GRM3: variants seen among roughly 807,000 people sequenced by gnomAD.
GRM3 encodes the protein glutamate metabotropic receptor 3.
GRM3 carries 26 observed loss-of-function variants against 70.5 expected under a neutral mutation model. That is an observed-to-expected ratio of 0.37 (90% confidence interval 0.27 to 0.51). The LOEUF is 0.51. Ranked by LOEUF, GRM3 falls within the 20% of genes least tolerant of loss-of-function variation. The pLI, the probability that GRM3 is intolerant of heterozygous loss-of-function variation, is 0.93. For synonymous variants in GRM3, 443 were observed against 434.9 expected, an observed-to-expected ratio of 1.02 and a Z score of -0.23; for missense variants, 859 against 1,123.8, an observed-to-expected ratio of 0.76 and a Z score of 3.37.
chr7:86,855,886 CA>C (rs1195893221), intron 5 of GRM3, among the ~76,000 whole-genome samples: 6 of 152,148 alleles, frequency 3.9e-5, no homozygotes, highest in African/African-American at 1.4e-4. Flanking sequence ...CCCCGAAAAA[CA>C]GCATCATGTG....
intron 1 of GRM3, among the ~76,000 whole-genome samples, chr7:86,694,440 A>C (rs556002634): frequency 1.8e-3 from 254 of 145,080 alleles, no homozygotes; most frequent in Non-Finnish European, 3.3e-3. Flanking sequence ...TGAACCCGGG[A>C]AGTGGGGCTT....
At chr7:86,750,363 C>T (rs1366893126) in intron 1 of GRM3, among the ~76,000 whole-genome samples, 7 of 152,022 alleles carry the variant, frequency 4.6e-5, no homozygotes, top group African/African-American at 1.7e-4. Flanking sequence ...AAATATGTAA[C>T]ACCAGTTTTG....
At chr7:86,810,802 T>A (rs1023634438) in intron 3 of GRM3, among the ~76,000 whole-genome samples, 2 of 151,996 alleles carry the variant, frequency 1.3e-5, no homozygotes, top group African/African-American at 4.8e-5. Context: ...AAAAAGACTT[T>A]TGTTTTTTCT....
intron 3 of GRM3, among the ~76,000 whole-genome samples, chr7:86,827,859 C>T (rs150578873): frequency 0.045 from 6,850 of 151,994 alleles, 503 homozygotes; most frequent in African/African-American, 0.15. Flanking sequence ...ACACCTGTAA[C>T]CCCAGCACTT....
intron 1 of GRM3, among the ~76,000 whole-genome samples, chr7:86,746,343 A>ATATATATATATG (rs1562846583): frequency 5.9e-5 from 1 of 16,872 alleles, no homozygotes; most frequent in African/African-American, 2.9e-4. Flanking sequence ...GTCATGTATT[A>ATATATATATATG]TATATATATA....
chr7:86,663,111 G>T (rs1793935663), intron 1 of GRM3, among the ~76,000 whole-genome samples: 1 of 151,736 alleles, frequency 6.6e-6, no homozygotes, highest in Admixed American at 6.6e-5. Flanking sequence ...TAGTAACAGA[G>T]ACCATTTTAC....
chr7:86,770,827 A>G lies in GRM3; in HGVS notation c.468+5214A>G, dbSNP rs563833142. 9.5e-4 allele frequency among the ~76,000 whole-genome samples: 144 copies of G among 152,226 alleles called. 2 individuals are homozygous for G. In the South Asian group the frequency reaches 0.011, roughly 11 times the overall value. On this transcript the variant is annotated intron_variant, in intron 2 of 5. Transcript: ENST00000361669. The stretch of plus-strand genomic sequence containing the variant: ...TCTGATAGACAGCTGAATGGAAACA[A>G]GTACACTCTCTCTGTGGACAAATAG...
intron 3 of GRM3, among the ~76,000 whole-genome samples, chr7:86,830,616 G>A (rs1203004073): frequency 6.6e-6 from 1 of 152,118 alleles, no homozygotes; most frequent in Non-Finnish European, 1.5e-5. Context: ...ACTACATGAT[G>A]AATGAATTTC....
intron 1 of GRM3, among the ~76,000 whole-genome samples, chr7:86,650,057 T>A (rs1379572539): frequency 6.6e-6 from 1 of 152,316 alleles, no homozygotes; most frequent in African/African-American, 2.4e-5. Flanking sequence ...TGATGCCTTG[T>A]GGAGACAGTG....
chr7:86,758,228 A>G (rs1195498897), intron 1 of GRM3, among the ~76,000 whole-genome samples: 2 of 152,168 alleles, frequency 1.3e-5, no homozygotes, highest in Non-Finnish European at 2.9e-5. Flanking sequence ...AATAATAGCC[A>G]CTTGATGGGT....
intron 1 of GRM3, among the ~76,000 whole-genome samples, chr7:86,729,826 G>A (rs1210624626): frequency 1.3e-5 from 2 of 152,038 alleles, no homozygotes; most frequent in Admixed American, 6.5e-5. Flanking sequence ...GGCATAACTC[G>A]GCCGGGCGCA....
chr7:86,747,938 G>T (rs866486946), intron 1 of GRM3, among the ~76,000 whole-genome samples: 1 of 151,992 alleles, frequency 6.6e-6, no homozygotes, highest in Non-Finnish European at 1.5e-5. Flanking sequence ...TGGAGCTAAC[G>T]TTTGCGCAGG....
chr7:86,656,908 C>T (rs544866290), intron 1 of GRM3, among the ~76,000 whole-genome samples: 2 of 152,068 alleles, frequency 1.3e-5, no homozygotes, highest in Non-Finnish European at 2.9e-5. Context: ...TAGCTCCCAA[C>T]GAATAAAGAT....
intron 1 of GRM3, among the ~76,000 whole-genome samples, chr7:86,722,307 G>C (rs1369342671): frequency 6.6e-6 from 1 of 152,072 alleles, no homozygotes; most frequent in Non-Finnish European, 1.5e-5. Flanking sequence ...GCACACATAT[G>C]TTTATTGCAG....
chr7:86,665,346 AG>A (rs1793999819), intron 1 of GRM3, among the ~76,000 whole-genome samples: 1 of 152,062 alleles, frequency 6.6e-6, no homozygotes, highest in African/African-American at 2.4e-5. Flanking sequence ...TGAAAATATA[AG>A]TATAAAAATA....
intron 1 of GRM3, among the ~76,000 whole-genome samples, chr7:86,747,615 A>G (rs142430032): frequency 1.3e-5 from 2 of 152,204 alleles, no homozygotes; most frequent in East Asian, 1.9e-4. Flanking sequence ...GGAAGACTCA[A>G]TTGGGATACC....
chr7:86,672,405 A>G (rs1319770935), intron 1 of GRM3, among the ~76,000 whole-genome samples: 1 of 152,184 alleles, frequency 6.6e-6, no homozygotes, highest in African/African-American at 2.4e-5. Context: ...CACAGTTGTG[A>G]CATTCCCTCA....
intron 1 of GRM3, 76 bp downstream of exon 1, chr7:86,644,948 G>A (rs984788168): frequency 4.1e-6 from 3 of 738,526 alleles, no homozygotes; most frequent in African/African-American, 3.6e-5. Context: ...GCCGCGTGGG[G>A]CAGGCGCAGC....
chr7:86,669,422 CAT>C (rs1460555524), intron 1 of GRM3, among the ~76,000 whole-genome samples: 2 of 152,174 alleles, frequency 1.3e-5, no homozygotes, highest in African/African-American at 2.4e-5. Context: ...TGTCCATAAT[CAT>C]GTCTCTTTTT....
Sources: gnomAD v4.1 joint callset for allele counts (sites outside exome capture counted in the v4.1 genomes callset) on GRCh38, gnomAD v4.1.1 for gene constraint, MANE v1.5 for transcripts, NCBI Gene and HGNC (gene_info 2026-07-23, HGNC 2026-07-21) for gene names.